Variants in RBMS3 observed in about 807,000 individuals in gnomAD.
RBMS3 encodes the protein RNA binding motif single stranded interacting protein 3.
Under a neutral mutation model 66.8 loss-of-function variants are expected in RBMS3, and 27 were observed. That is an observed-to-expected ratio of 0.40 (90% CI 0.30 to 0.56). The LOEUF is 0.56. RBMS3 is among the 20% of genes least tolerant of loss of function. The pLI is 0.40. For missense variants in RBMS3, 513 were observed against 549.5 expected (o/e 0.93, Z 0.66); for synonymous variants, 188 against 183.0 (o/e 1.03, Z -0.22).
chr3:29,483,902 T>C (rs1267517423), intron 2 of RBMS3, among the ~76,000 whole-genome samples: 2 of 152,220 alleles, frequency 1.3e-5, no homozygotes, highest in Non-Finnish European at 2.9e-5. Flanking sequence ...AAAGACGTTT[T>C]AGTTTGCACA....
At chr3:29,495,583 T>G (rs2043717270) in intron 3 of RBMS3, among the ~76,000 whole-genome samples, 2 of 150,318 alleles carry the variant, frequency 1.3e-5, no homozygotes, top group African/African-American at 4.9e-5. Flanking sequence ...GCCCCATTAA[T>G]TTTTTTTTGT....
chr3:29,465,462 C>T (rs2042506657), intron 2 of RBMS3, among the ~76,000 whole-genome samples: 1 of 146,282 alleles, frequency 6.8e-6, no homozygotes. Context: ...TCTATTATCT[C>T]TGGCCTATTG....
intron 3 of RBMS3, among the ~76,000 whole-genome samples, chr3:29,512,698 G>A (rs950729962): frequency 1.3e-5 from 2 of 152,148 alleles, no homozygotes; most frequent in East Asian, 1.9e-4. Context: ...CGGTGGTACA[G>A]CCATAATACT....
intron 2 of RBMS3, among the ~76,000 whole-genome samples, chr3:29,458,616 G>T (rs1187159642): frequency 6.6e-6 from 1 of 152,008 alleles, no homozygotes; most frequent in African/African-American, 2.4e-5. Flanking sequence ...AGTTATTGTT[G>T]TATTGTTATT....
intron 4 of RBMS3, among the ~76,000 whole-genome samples, chr3:29,602,234 G>T (rs1210471331): frequency 6.6e-6 from 1 of 151,712 alleles, no homozygotes; most frequent in African/African-American, 2.4e-5. Flanking sequence ...ACATGCATTT[G>T]ACAGAAGAAT....
chr3:29,992,727 G>A (rs1698968279), intron 14 of RBMS3, among the ~76,000 whole-genome samples: 2 of 152,108 alleles, frequency 1.3e-5, no homozygotes, highest in Admixed American at 6.5e-5. Context: ...GTCAGTGAGT[G>A]GGGAATTACT....
intron 4 of RBMS3, among the ~76,000 whole-genome samples, chr3:29,607,992 T>A (rs1168712548): frequency 6.6e-6 from 1 of 151,974 alleles, no homozygotes; most frequent in African/African-American, 2.4e-5. Context: ...ATAGTGTAAT[T>A]TACATGGTAC....
chr3:29,831,250 C>T (rs925460534), intron 6 of RBMS3, among the ~76,000 whole-genome samples: 2 of 152,088 alleles, frequency 1.3e-5, no homozygotes, highest in Non-Finnish European at 1.5e-5. Flanking sequence ...TTTGTTTGCT[C>T]ATAATATGCC....
chr3:29,782,664 G>T (rs899159852), intron 6 of RBMS3, among the ~76,000 whole-genome samples: 3 of 152,138 alleles, frequency 2.0e-5, no homozygotes, highest in Non-Finnish European at 2.9e-5. Context: ...CACCAGCAAT[G>T]AATCCAAAAC....
rs1238704500 is a variant in RBMS3 at position 29,518,298 on chromosome 3, T to C, written c.307+29799T>C. On this transcript the variant is annotated intron_variant, in intron 3 of 14. Coordinates refer to ENST00000383767, the MANE Select transcript of RBMS3 (RefSeq NM_001003793.3). Reference sequence around the variant, plus strand: ...GCCTATACCCACTTAGAAATTAATGTCTTTTGGAAACTTATAGATAGAACA... The same window carrying C: ...GCCTATACCCACTTAGAAATTAATGCCTTTTGGAAACTTATAGATAGAACA... Among the ~76,000 whole-genome samples, 6 of 152,206 alleles carry C rather than the reference T, an allele frequency of 3.9e-5. No homozygotes were observed. The East Asian group carries it at 5.8e-4, about 15-fold the overall frequency.
intron 6 of RBMS3, among the ~76,000 whole-genome samples, chr3:29,764,143 A>C (rs553198469): frequency 6.6e-6 from 1 of 151,994 alleles, no homozygotes; most frequent in Non-Finnish European, 1.5e-5. Flanking sequence ...TCAAGAATGC[A>C]GAAAGACCCT....
At chr3:29,288,953 C>T (rs923799318) in intron 1 of RBMS3, among the ~76,000 whole-genome samples, 2 of 151,822 alleles carry the variant, frequency 1.3e-5, no homozygotes, top group African/African-American at 2.4e-5. Context: ...TTCAAAAAGC[C>T]CCTGTTAGCT....
intron 6 of RBMS3, among the ~76,000 whole-genome samples, chr3:29,769,800 G>A (rs1481361873): frequency 1.3e-5 from 2 of 151,822 alleles, no homozygotes; most frequent in African/African-American, 4.8e-5. Context: ...TGAAGGTATG[G>A]GGAGGATGCA....
chr3:29,817,451 C>A (rs1044519951), intron 6 of RBMS3, among the ~76,000 whole-genome samples: 1 of 152,002 alleles, frequency 6.6e-6, no homozygotes, highest in Admixed American at 6.6e-5. Context: ...GTGATCTGCT[C>A]GCCTCAGCCT....
At chr3:29,419,799 T>A (rs1455269872) in intron 1 of RBMS3, among the ~76,000 whole-genome samples, 2 of 152,196 alleles carry the variant, frequency 1.3e-5, no homozygotes, top group South Asian at 2.1e-4. Flanking sequence ...AATATATAAA[T>A]CTTGCTTATT....
chr3:29,511,025 G>A (rs995813749), intron 3 of RBMS3, among the ~76,000 whole-genome samples: 7 of 152,216 alleles, frequency 4.6e-5, no homozygotes, highest in African/African-American at 9.6e-5. Context: ...TTGGCCGGGC[G>A]TGGTGGCTCA....
Position 29,281,382 on chromosome 3 carries a change from T to C in RBMS3, c.-300T>C. ...CAGCCTGGTTAGAGAACAAACTGCC[T>C]CATCCCAAGTGGACCCCGGCAGCTG... On this transcript the variant is annotated 5_prime_UTR_variant, in exon 1 of 15. Transcript: ENST00000383767. 1 of 458,786 alleles carries C rather than the reference T, an allele frequency of 2.2e-6. No individual in the cohort carries two copies. The highest frequency in any genetic ancestry group is 2.9e-5 in the South Asian group (1 of 34,576). 28.4% of individuals were successfully genotyped at this position (458,786 alleles called of 1,614,324 possible).
intron 4 of RBMS3, among the ~76,000 whole-genome samples, chr3:29,607,506 T>C (rs2048352771): frequency 6.6e-6 from 1 of 151,948 alleles, no homozygotes; most frequent in Admixed American, 6.6e-5. Flanking sequence ...GATCTAATGA[T>C]TCCCAAAAGG....
At chr3:30,001,366 G>A (rs1233573317) in intron 14 of RBMS3, among the ~76,000 whole-genome samples, 1 of 151,966 alleles carries the variant, frequency 6.6e-6, no homozygotes, top group Non-Finnish European at 1.5e-5. Context: ...AGATTTCTAA[G>A]ATTATCGTTT....
Sources: allele counts gnomAD v4.1 joint callset (sites outside exome capture counted in the v4.1 genomes callset), GRCh38; gene constraint gnomAD v4.1.1; transcripts MANE v1.5; gene names NCBI Gene and HGNC (gene_info 2026-07-23, HGNC 2026-07-21).